Variants in ROS1 observed in about 807,000 individuals in gnomAD.
ROS1 encodes ROS proto-oncogene 1, receptor tyrosine kinase, also known as proto-oncogene tyrosine-protein kinase ROS.
Under a neutral mutation model 273.5 loss-of-function variants are expected in ROS1, and 263 were observed. That is an observed-to-expected ratio of 0.96 (90% CI 0.87 to 1.06). The LOEUF (loss-of-function observed/expected upper bound fraction) is 1.06, where lower values mean the gene tolerates loss of function less well. Ranked by LOEUF, ROS1 falls within the 50% of genes least tolerant of loss-of-function variation. The pLI is 0.00. For synonymous variants in ROS1, 1,008 were observed against 954.1 expected (o/e 1.06, Z -1.04); for missense variants, 2,833 against 2,751.1 (o/e 1.03, Z -0.67).
chr6:117,290,952 A>G (rs535000305), intron 43 of ROS1, among the ~76,000 whole-genome samples: 2 of 152,324 alleles, frequency 1.3e-5, no homozygotes, highest in South Asian at 4.1e-4. Context: ...CAAAGCAGTA[A>G]GCTATTATTA....
rs934252229 is a variant in ROS1, at chr6:117,425,880, A to G, written c.-224T>C. ...GTAACAGTTCCATAAGAGCTATTTC[A>G]TAACAGCTTCCTTTTACTCCCATAA... On this transcript the variant is annotated 5_prime_UTR_variant, in exon 1 of 44. An upstream start codon of the reference 5' UTR is lost. Transcript: ENST00000368507. 10 of 446,360 alleles carry G rather than the reference A, an allele frequency of 2.2e-5. No individual in the cohort carries two copies. The highest frequency in any genetic ancestry group is 8.8e-5 in the Admixed American group (2 of 22,712). 27.6% of individuals were successfully genotyped at this position (446,360 alleles called of 1,614,324 possible). A position where few individuals can be genotyped will look rare whatever the true frequency, so the allele number is the denominator to read the frequency against.
rs574775156 is a variant in ROS1, at chr6:117,417,806, G to A, written c.168+656C>T. The stretch of plus-strand genomic sequence containing the variant: ...AGGCTTTTTCCCCTCTAGTCCATCT[G>A]GAAAACTCTTCCTCTTTCTAGTTTT... On this transcript the variant is annotated intron_variant, in intron 2 of 43. Coordinates refer to ENST00000368507, the MANE Select transcript of ROS1 (RefSeq NM_001378902.1). 2.8e-4 allele frequency among the ~76,000 whole-genome samples: 43 copies of A among 152,282 alleles called. No individual in the cohort carries two copies. The South Asian group carries it at 8.5e-3, about 30-fold the overall frequency.
Position 117,425,922 on chromosome 6 carries a change from A to C in ROS1, c.-266T>G, listed in dbSNP as rs573024097. On this transcript the variant is annotated 5_prime_UTR_variant, in exon 1 of 44. Coordinates refer to ENST00000368507, the MANE Select transcript of ROS1 (RefSeq NM_001378902.1). ...CTCCCATAAAGTCACCCAGTGACTAAAGGTTAGTTCTTAGAAGTGCACTTC... is the reference window on the plus strand; with the variant it reads ...CTCCCATAAAGTCACCCAGTGACTACAGGTTAGTTCTTAGAAGTGCACTTC... 2.5e-6 allele frequency: 1 copy of C among 401,042 alleles called. No homozygotes were observed. 24.8% of individuals were successfully genotyped at this position (401,042 alleles called of 1,614,324 possible). A position where few individuals can be genotyped will look rare whatever the true frequency, so the allele number is the denominator to read the frequency against.
intron 27 of ROS1, 52 bp from the exon 28 acceptor site, chr6:117,344,314 G>T: frequency 1.6e-6 from 2 of 1,233,548 alleles, no homozygotes; most frequent in Non-Finnish European, 2.2e-6. Flanking sequence ...ATATATGAGA[G>T]GAAAAGCAGA....
intron 43 of ROS1, among the ~76,000 whole-genome samples, chr6:117,293,030 C>A (rs1675269931): frequency 6.6e-6 from 1 of 152,272 alleles, no homozygotes; most frequent in South Asian, 2.1e-4. Flanking sequence ...TTATTCCCTG[C>A]CTTTCTACAT....
intron 7 of ROS1, among the ~76,000 whole-genome samples, chr6:117,401,803 TAA>T (rs35593860): frequency 7.9e-5 from 7 of 89,142 alleles, no homozygotes; most frequent in African/African-American, 1.3e-4. Flanking sequence ...AACTTTTCAG[TAA>T]AAAAAAAAAA....
intron 32 of ROS1, among the ~76,000 whole-genome samples, chr6:117,330,926 T>C (rs1777037642): frequency 6.6e-6 from 1 of 151,920 alleles, no homozygotes; most frequent in African/African-American, 2.4e-5. Flanking sequence ...AAGGCCAGAG[T>C]GCCTCTTCTC....
chr6:117,362,642 T>C lies in ROS1; in HGVS notation c.3327A>G (p.Gln1109=). The C allele has an allele frequency of 6.2e-7, 1 of 1,613,644 alleles. No homozygotes were observed. The change falls in exon 22 of 44, where the codon CAA becomes CAG. Residue 1109 remains glutamine, a synonymous_variant. Coordinates refer to ENST00000368507, the MANE Select transcript of ROS1 (RefSeq NM_001378902.1). ...VNVTPSVMSF[Q]LEGMSPRCFI... is the part of the protein sequence containing the mutation. ...AGCATCTGGGACTCATGCCTTCAAG[T>C]TGAAAAGACATCACTGAGGGAGTGA...
chr6:117,421,681 T>C (rs1247845858), intron 1 of ROS1, among the ~76,000 whole-genome samples: 5 of 152,210 alleles, frequency 3.3e-5, no homozygotes, highest in African/African-American at 1.2e-4. Context: ...ACACTTATAC[T>C]TCTTTTTTGA....
At chr6:117,402,248 T>C (rs916678778) in intron 7 of ROS1, among the ~76,000 whole-genome samples, 6 of 152,194 alleles carry the variant, frequency 3.9e-5, no homozygotes, top group African/African-American at 1.2e-4. Context: ...CACGTGGGCC[T>C]TCTAGTTGCT....
At chr6:117,389,915 T>C in intron 12 of ROS1, 69 bp from the exon 13 acceptor site, 5 of 1,374,932 alleles carry the variant, frequency 3.6e-6, no homozygotes, top group Non-Finnish European at 5.0e-6. Flanking sequence ...CCTCAGCTAA[T>C]TGCTTCATTC....
chr6:117,410,505 A>C (rs1233629360), intron 4 of ROS1, among the ~76,000 whole-genome samples: 3 of 152,148 alleles, frequency 2.0e-5, no homozygotes, highest in Non-Finnish European at 2.9e-5. Context: ...TTAATGAAAA[A>C]CACAGTACAT....
At chr6:117,423,182 G>T (rs369479052) in intron 1 of ROS1, among the ~76,000 whole-genome samples, 50 of 151,824 alleles carry the variant, frequency 3.3e-4, no homozygotes, top group African/African-American at 1.1e-3. Context: ...GCAGGGTGAG[G>T]GATAAAAGAC....
intron 39 of ROS1, among the ~76,000 whole-genome samples, chr6:117,314,632 C>A (rs1480885583): frequency 6.6e-6 from 1 of 152,162 alleles, no homozygotes; most frequent in African/African-American, 2.4e-5. Context: ...CACTGAGGCA[C>A]TGTACTGAAA....
chr6:117,304,819 A>T (rs920257234), intron 42 of ROS1, among the ~76,000 whole-genome samples: 7 of 152,072 alleles, frequency 4.6e-5, no homozygotes, highest in African/African-American at 1.4e-4. Flanking sequence ...AGGTGACTGA[A>T]TCATGGGGGC....
chr6:117,382,124 C>A (rs1330563701), intron 17 of ROS1, among the ~76,000 whole-genome samples: 1 of 152,048 alleles, frequency 6.6e-6, no homozygotes, highest in Admixed American at 6.5e-5. Context: ...TTTTCCCTAA[C>A]AATTATATTT....
chr6:117,326,425 T>A lies in ROS1; in HGVS notation c.5349-11A>T, dbSNP rs1294731231. The stretch of plus-strand genomic sequence containing the variant: ...TTTGAAGTGCTCTTTCTGCAAAAAA[T>A]AATAAATACAGAAAATATACATGAC... On this transcript the variant is annotated splice_polypyrimidine_tract_variant and intron_variant, in intron 33 of 43. Transcript: ENST00000368507. 1 of 1,451,728 alleles carries A rather than the reference T, an allele frequency of 6.9e-7. No individual in the cohort carries two copies. Among genetic ancestry groups the A allele is most frequent in the South Asian group, 1.3e-5 (1 of 75,396 alleles). The allele number at this position is 1,451,728 out of a possible 1,614,324, so 89.9% of individuals were successfully genotyped here. A position where few individuals can be genotyped will look rare whatever the true frequency, so the allele number is the denominator to read the frequency against.
chr6:117,389,306 T>G (rs1772850230), intron 13 of ROS1, 44 bp downstream of exon 13: 11 of 1,549,946 alleles, frequency 7.1e-6, no homozygotes, highest in Non-Finnish European at 9.6e-6. Flanking sequence ...ACCTTCCTCT[T>G]ATTCCAGCAA....
intron 34 of ROS1, among the ~76,000 whole-genome samples, chr6:117,324,901 C>A (rs977605082): frequency 6.6e-6 from 1 of 151,930 alleles, no homozygotes; most frequent in East Asian, 1.9e-4. Context: ...GCATGAGGAC[C>A]AAATCTGGCT....
Sources: gnomAD v4.1 joint callset for allele counts (sites outside exome capture counted in the v4.1 genomes callset) on GRCh38, gnomAD v4.1.1 for gene constraint, MANE v1.5 for transcripts, NCBI Gene and HGNC (gene_info 2026-07-23, HGNC 2026-07-21) for gene names.